Variants in EML4 observed in about 807,000 individuals in gnomAD.
The protein encoded by EML4 is echinoderm microtubule-associated protein-like 4.
EML4 carries 72 observed loss-of-function variants against 129.0 expected under a neutral mutation model. That is an observed-to-expected ratio of 0.56 (90% CI 0.46 to 0.68). The LOEUF is 0.68. Among genes scored for constraint, EML4 ranks in the 30% least tolerant of loss-of-function variants. The pLI, the probability that EML4 is intolerant of heterozygous loss-of-function variation, is 0.00. For synonymous variants in EML4, 532 were observed against 405.0 expected, an observed-to-expected ratio of 1.31 and a Z score of -3.77; for missense variants, 1,363 against 1,190.6, an observed-to-expected ratio of 1.14 and a Z score of -2.13.
intron 1 of EML4, among the ~76,000 whole-genome samples, chr2:42,180,582 G>A (rs1380858417): frequency 1.3e-5 from 2 of 152,096 alleles, no homozygotes; most frequent in Non-Finnish European, 2.9e-5. Context: ...AGCCCAAGAG[G>A]TGATGAAAGT....
intron 1 of EML4, among the ~76,000 whole-genome samples, chr2:42,235,767 T>G (rs763039092): frequency 6.6e-6 from 1 of 152,136 alleles, no homozygotes; most frequent in African/African-American, 2.4e-5. Context: ...GTCATACTAT[T>G]AGGCCTCAAA....
At chr2:42,313,361 G>T (rs897877820) in intron 17 of EML4, among the ~76,000 whole-genome samples, 4 of 152,128 alleles carry the variant, frequency 2.6e-5, no homozygotes, top group African/African-American at 9.7e-5. Context: ...TTCTCTGAGA[G>T]CTCTCTCACC....
chr2:42,321,952 A>G (rs115758695), intron 19 of EML4, among the ~76,000 whole-genome samples: 3,619 of 152,328 alleles, frequency 0.024, 132 homozygotes, highest in African/African-American at 0.083. Flanking sequence ...ATGTTTCTAG[A>G]TAACCTGATA....
chr2:42,213,765 G>A (rs1350821492), intron 1 of EML4, among the ~76,000 whole-genome samples: 1 of 152,132 alleles, frequency 6.6e-6, no homozygotes, highest in Non-Finnish European at 1.5e-5. Flanking sequence ...AAATTTTTAG[G>A]TCTAGGAAAG....
In EML4 at chr2:42,199,813, A is replaced by G. The variant is rs1415824590; in HGVS notation, c.25+30177A>G. 3.9e-5 allele frequency among the ~76,000 whole-genome samples: 6 copies of G among 152,248 alleles called. No individual in the cohort carries two copies. In the East Asian group the frequency reaches 7.7e-4, roughly 20 times the overall value. On this transcript the variant is annotated intron_variant, in intron 1 of 22. Transcript: ENST00000318522. ...CGAAGCGTCACAGAAATCCGAGGCC[A>G]TAAGTTACTAGTCAGATGGTAAATG...
At chr2:42,270,225 C>G (rs182633582) in intron 6 of EML4, among the ~76,000 whole-genome samples, 1 of 152,056 alleles carries the variant, frequency 6.6e-6, no homozygotes, top group Non-Finnish European at 1.5e-5. Flanking sequence ...GCCTCCTGTC[C>G]CCACAATACC....
chr2:42,251,453 C>A (rs936087003), intron 2 of EML4, among the ~76,000 whole-genome samples: 1 of 152,174 alleles, frequency 6.6e-6, no homozygotes, highest in Non-Finnish European at 1.5e-5. Flanking sequence ...GTCACTTCCA[C>A]TCAAAATATA....
At chr2:42,314,903 T>C (rs1034562715) in intron 17 of EML4, among the ~76,000 whole-genome samples, 3 of 152,236 alleles carry the variant, frequency 2.0e-5, no homozygotes, top group Admixed American at 1.3e-4. Context: ...TATAATGTAG[T>C]TGGATTTAAG....
At chr2:42,278,573 C>CA (rs35916382) in intron 6 of EML4, among the ~76,000 whole-genome samples, 1,340 of 54,250 alleles carry the variant, frequency 0.025, 120 homozygotes, top group Non-Finnish European at 0.03. Context: ...GACTCCATCT[C>CA]AAAAAAAAAA....
chr2:42,192,966 A>G (rs565151578), intron 1 of EML4, among the ~76,000 whole-genome samples: 29 of 152,292 alleles, frequency 1.9e-4, no homozygotes, highest in Non-Finnish European at 3.7e-4. Context: ...GAGGTAGTAT[A>G]GTGTATGTCA....
intron 1 of EML4, among the ~76,000 whole-genome samples, chr2:42,192,996 C>G (rs530886250): frequency 2.0e-5 from 3 of 152,276 alleles, no homozygotes; most frequent in African/African-American, 7.2e-5. Flanking sequence ...TGGAAACTGA[C>G]ATGTTTGGCT....
At chr2:42,246,647 CTAGTGCTCATGT>C (rs1675418664) in intron 2 of EML4, among the ~76,000 whole-genome samples, 1 of 152,110 alleles carries the variant, frequency 6.6e-6, no homozygotes, top group South Asian at 2.1e-4. Flanking sequence ...ACATATGGAT[CTAGTGCTCATGT>C]TAGTTTTGGC....
At chr2:42,248,263 A>C (rs1675540210) in intron 2 of EML4, among the ~76,000 whole-genome samples, 1 of 152,136 alleles carries the variant, frequency 6.6e-6, no homozygotes, top group Non-Finnish European at 1.5e-5. Context: ...AAAACAGTGC[A>C]TTGTAATTTT....
Position 42,256,060 on chromosome 2 carries a change from T to C in EML4, c.209-441T>C, listed in dbSNP as rs147661387. Among the ~76,000 whole-genome samples, 4 of 152,358 alleles carry C rather than the reference T, an allele frequency of 2.6e-5. No homozygotes were observed. The East Asian group carries it at 7.7e-4, about 29-fold the overall frequency. On this transcript the variant is annotated intron_variant, in intron 2 of 22. Coordinates refer to ENST00000318522, the MANE Select transcript of EML4 (RefSeq NM_019063.5). Reference sequence around the variant, plus strand: ...TAAGTTAAAGGAGAGGTTAACTTTATATACTTATGCTTTATTTGTATGGAG... The same window carrying C: ...TAAGTTAAAGGAGAGGTTAACTTTACATACTTATGCTTTATTTGTATGGAG...
At chr2:42,221,513 A>T (rs1558514344) in intron 1 of EML4, among the ~76,000 whole-genome samples, 1 of 147,234 alleles carries the variant, frequency 6.8e-6, no homozygotes, top group African/African-American at 2.5e-5. Flanking sequence ...GGGCCCAAGC[A>T]ATCCTCCCAC....
At chr2:42,203,764 G>C (rs896809949) in intron 1 of EML4, among the ~76,000 whole-genome samples, 2 of 151,236 alleles carry the variant, frequency 1.3e-5, no homozygotes, top group Non-Finnish European at 2.9e-5. Context: ...TATGCCACAT[G>C]TATAGGCACA....
chr2:42,230,578 T>C (rs1157923858), intron 1 of EML4, among the ~76,000 whole-genome samples: 1 of 152,032 alleles, frequency 6.6e-6, no homozygotes, highest in East Asian at 1.9e-4. Flanking sequence ...AGCTAATTTT[T>C]TATTTTTAGT....
chr2:42,249,545 C>T (rs1361534817), intron 2 of EML4, among the ~76,000 whole-genome samples: 2 of 152,082 alleles, frequency 1.3e-5, no homozygotes, highest in East Asian at 3.9e-4. Flanking sequence ...ATGGGAAGGA[C>T]ATAAGTTGTC....
intron 1 of EML4, among the ~76,000 whole-genome samples, chr2:42,223,410 C>T (rs182793354): frequency 6.6e-6 from 1 of 152,116 alleles, no homozygotes; most frequent in South Asian, 2.1e-4. Context: ...TTGCAAGACC[C>T]TGTCAAGTAA....
Sources: allele counts gnomAD v4.1 joint callset (sites outside exome capture counted in the v4.1 genomes callset), GRCh38; gene constraint gnomAD v4.1.1; transcripts MANE v1.5; gene names NCBI Gene and HGNC (gene_info 2026-07-23, HGNC 2026-07-21).